Variants in CACNA1C observed in about 807,000 individuals in gnomAD.
The protein encoded by CACNA1C is calcium voltage-gated channel subunit alpha1 C.
Under a neutral mutation model 229.0 loss-of-function variants are expected in CACNA1C, and 30 were observed. The ratio of observed to expected loss-of-function variants is 0.13; its 90% CI spans 0.10 to 0.18. The LOEUF (loss-of-function observed/expected upper bound fraction) is 0.18, where lower values mean the gene tolerates loss of function less well. Ranked by LOEUF, CACNA1C falls within the 10% of genes least tolerant of loss-of-function variation. The pLI is 1.00. For missense variants in CACNA1C, 1,658 were observed against 2,845.0 expected (o/e 0.58, Z 9.49); for synonymous variants, 1,114 against 1,132.5 (o/e 0.98, Z 0.33).
rs1416422560 is a variant in CACNA1C, at chr12:2,479,963, CT to C, written c.758-6140del. On this transcript the variant is annotated intron_variant, in intron 5 of 46. Transcript: ENST00000399655. This position sits in a 1 kb window ranked among gnomAD's most constrained non-coding sequence, Gnocchi z 4.3. Reference sequence around the variant, plus strand: ...GTAAAGCCAGCAGAGTAGAGGACCCCTGGCCTAATGCTGTCCTTCCCCTGCC... The same window carrying C: ...GTAAAGCCAGCAGAGTAGAGGACCCCGGCCTAATGCTGTCCTTCCCCTGCC... Among the ~76,000 whole-genome samples the C allele has an allele frequency of 6.6e-6, 1 of 152,204 alleles. No individual in the cohort carries two copies. Among genetic ancestry groups the C allele is most frequent in the African/African-American group, 2.4e-5 (1 of 41,456 alleles).
intron 3 of CACNA1C, among the ~76,000 whole-genome samples, chr12:2,228,264 G>C (rs541748612): frequency 1.1e-4 from 16 of 152,164 alleles, no homozygotes; most frequent in Non-Finnish European, 2.1e-4. Flanking sequence ...AGTGCATACT[G>C]TGTATTAGGC....
rs569350382 is a variant in CACNA1C, at chr12:2,302,309, A to G, written c.478-146667A>G. Among the ~76,000 whole-genome samples, 1,144 of 151,912 alleles carry G rather than the reference A, an allele frequency of 7.5e-3. 7 individuals carry two copies. The highest frequency in any genetic ancestry group is 0.011 in the Non-Finnish European group (754 of 67,912). On this transcript the variant is annotated intron_variant, in intron 3 of 46. Transcript: ENST00000399655. Reference sequence around the variant, plus strand: ...AGCAGAGGCTGACGTCAGGAACATAAGGTCATGCCATAATTGCTGTGCCCC... The same window carrying G: ...AGCAGAGGCTGACGTCAGGAACATAGGGTCATGCCATAATTGCTGTGCCCC...
chr12:1,995,067 A>T (rs142178449), intron 1 of CACNA1C, among the ~76,000 whole-genome samples: 100 of 152,224 alleles, frequency 6.6e-4, no homozygotes, highest in African/African-American at 2.3e-3. Context: ...AAAAACAGCA[A>T]AGGATTTTTT....
At chr12:2,487,732 G>T (rs2099702959) in intron 6 of CACNA1C, among the ~76,000 whole-genome samples, 1 of 151,964 alleles carries the variant, frequency 6.6e-6, no homozygotes, top group South Asian at 2.1e-4. Flanking sequence ...AGCAGGTCTT[G>T]CCTGTAGCTA....
chr12:2,623,033 A>G (rs1265791998), intron 29 of CACNA1C, among the ~76,000 whole-genome samples: 5 of 152,214 alleles, frequency 3.3e-5, no homozygotes, highest in African/African-American at 1.2e-4. Flanking sequence ...GTACAGGGAA[A>G]TGCCTTAAAA....
At chr12:2,004,899 A>T (rs1219673339) in intron 1 of CACNA1C, among the ~76,000 whole-genome samples, 2 of 151,802 alleles carry the variant, frequency 1.3e-5, no homozygotes, top group African/African-American at 4.8e-5. Context: ...TGGTTCTCAA[A>T]GTGTGGTGTG....
At chr12:2,270,473 C>T (rs1049005693) in intron 3 of CACNA1C, among the ~76,000 whole-genome samples, 1 of 152,212 alleles carries the variant, frequency 6.6e-6, no homozygotes, top group African/African-American at 2.4e-5. Context: ...TGTTTTGAGG[C>T]TTTTGAATTG....
chr12:2,566,635 A>T lies in CACNA1C; in HGVS notation c.1669+53A>T. The T allele has an allele frequency of 6.7e-7, 1 of 1,488,522 alleles. No individual in the cohort carries two copies. The highest frequency in any genetic ancestry group is 2.4e-5 in the East Asian group (1 of 40,828). 92.2% of individuals were successfully genotyped at this position (1,488,522 alleles called of 1,614,324 possible). ...GTTTCCTCCTGGTAACTCAGCCCCA[A>T]GGCCCAGGGGAGGGCATAACCACAG... On this transcript the variant is annotated intron_variant, in intron 12 of 46. Coordinates refer to ENST00000399655, the MANE Select transcript of CACNA1C (RefSeq NM_000719.7). The surrounding 1 kb of genome is among the most constrained non-coding windows in gnomAD (Gnocchi z 4.0).
At chr12:2,383,751 A>G (rs1409664866) in intron 3 of CACNA1C, among the ~76,000 whole-genome samples, 2 of 152,236 alleles carry the variant, frequency 1.3e-5, no homozygotes, top group Non-Finnish European at 2.9e-5. Context: ...AATACAGTGA[A>G]GTACCCTTTG....
chr12:2,123,375 CAAAAAAAA>C (rs397761587), intron 3 of CACNA1C, among the ~76,000 whole-genome samples: 1 of 72,996 alleles, frequency 1.4e-5, no homozygotes, highest in African/African-American at 5.5e-5. Context: ...GACTCCATCT[CAAAAAAAA>C]AAAAAAAAAA....
At chr12:2,428,296 G>A (rs913240655) in intron 3 of CACNA1C, among the ~76,000 whole-genome samples, 1 of 152,138 alleles carries the variant, frequency 6.6e-6, no homozygotes, top group Non-Finnish European at 1.5e-5. Flanking sequence ...GAATGGGCTT[G>A]TCTCCTGCTG....
intron 1 of CACNA1C, among the ~76,000 whole-genome samples, chr12:2,041,969 A>C (rs530719595): frequency 3.2e-4 from 48 of 152,320 alleles, no homozygotes; most frequent in Admixed American, 1.8e-3. Context: ...TTGACATCCC[A>C]AAAGTTTCAT....
At chr12:2,247,541 T>C (rs1031350169) in intron 3 of CACNA1C, among the ~76,000 whole-genome samples, 5 of 152,198 alleles carry the variant, frequency 3.3e-5, no homozygotes, top group African/African-American at 1.2e-4. Flanking sequence ...TTCATCCGCC[T>C]GGTGGGCACT....
chr12:2,120,412 C>T lies in CACNA1C; in HGVS notation c.459C>T (p.Asn153=), dbSNP rs367638447. The T allele has an allele frequency of 6.5e-5, 105 of 1,605,066 alleles. 1 individual carries two copies. Among genetic ancestry groups the T allele is most frequent in the Middle Eastern group, 1.6e-4 (1 of 6,078 alleles). Reference sequence around the variant, plus strand: ...TTCCCTTTCCAGAAGATGATTCCAACGCCACCAATTCCAACCTGGTAAGTC... The same window carrying T: ...TTCCCTTTCCAGAAGATGATTCCAATGCCACCAATTCCAACCTGGTAAGTC... ...IYIPFPEDDS[N]ATNSNLERVE... Residue 153 remains asparagine (N), a synonymous_variant, in exon 3 of 47, where the codon AAC becomes AAT. Transcript: ENST00000399655.
chr12:2,516,019 A>G (rs1051582187), intron 9 of CACNA1C, among the ~76,000 whole-genome samples: 8 of 146,638 alleles, frequency 5.5e-5, no homozygotes, highest in Non-Finnish European at 1.2e-4. Flanking sequence ...TAGTAGAGAG[A>G]CAGGTGGTAA....
intron 30 of CACNA1C, among the ~76,000 whole-genome samples, chr12:2,636,324 C>A (rs558129794): frequency 6.6e-6 from 1 of 152,150 alleles, no homozygotes; most frequent in South Asian, 2.1e-4. Context: ...AAGGCCCCAT[C>A]GCTCAGTCTG....
At chr12:2,331,911 G>T (rs911451069) in intron 3 of CACNA1C, among the ~76,000 whole-genome samples, 1 of 152,168 alleles carries the variant, frequency 6.6e-6, no homozygotes, top group African/African-American at 2.4e-5. Context: ...AGGAACTAAA[G>T]AAATATGACA....
intron 9 of CACNA1C, among the ~76,000 whole-genome samples, chr12:2,532,873 T>G (rs1182071893): frequency 6.6e-6 from 1 of 152,216 alleles, no homozygotes; most frequent in Non-Finnish European, 1.5e-5. Flanking sequence ...CAAGTCGATT[T>G]CAGGATCATT....
chr12:2,319,466 C>T lies in CACNA1C; in HGVS notation c.478-129510C>T, dbSNP rs186002133. 7.9e-5 allele frequency among the ~76,000 whole-genome samples: 12 copies of T among 152,248 alleles called. No homozygotes were observed. Among genetic ancestry groups the T allele is most frequent in the East Asian group, 3.9e-4 (2 of 5,178 alleles). ...TCAGGAGGAAGAGACCTCGCTCCCA[C>T]GCCACAGCCCCAGGCCCCAGGCCCC... On this transcript the variant is annotated intron_variant, in intron 3 of 46. Transcript: ENST00000399655. This position sits in a 1 kb window ranked among gnomAD's most constrained non-coding sequence, Gnocchi z 4.0.
Sources: allele counts gnomAD v4.1 joint callset (sites outside exome capture counted in the v4.1 genomes callset), GRCh38; gene constraint gnomAD v4.1.1; non-coding constraint Gnocchi (gnomAD v3.1); transcripts MANE v1.5; gene names NCBI Gene and HGNC (gene_info 2026-07-23, HGNC 2026-07-21).